FBLN2: variants seen among roughly 807,000 people sequenced by gnomAD.
FBLN2 encodes the protein fibulin 2.
FBLN2 carries 81 observed loss-of-function variants against 123.7 expected under a neutral mutation model. The ratio of observed to expected loss-of-function variants is 0.65; its 90% CI spans 0.55 to 0.79. FBLN2 has a LOEUF of 0.79. Among genes scored for constraint, FBLN2 ranks in the 30% least tolerant of loss-of-function variants. The probability of loss-of-function intolerance (pLI) is 0.00; values close to 1 mark genes in which losing one functional copy is unlikely to be tolerated. For synonymous variants in FBLN2, 699 were observed against 701.4 expected (o/e 1.00, Z 0.05); for missense variants, 1,603 against 1,681.3 (o/e 0.95, Z 0.81).
At chr3:13,613,523 A>G (rs1705471741) in intron 4 of FBLN2, among the ~76,000 whole-genome samples, 1 of 152,206 alleles carries the variant, frequency 6.6e-6, no homozygotes, top group Admixed American at 6.5e-5. Context: ...GTTGGCTGCT[A>G]AAGCTCCAGC....
chr3:13,636,105 A>G (rs904794674), intron 16 of FBLN2, among the ~76,000 whole-genome samples: 3 of 152,336 alleles, frequency 2.0e-5, no homozygotes, highest in Admixed American at 6.5e-5. Flanking sequence ...CAGCCCAAGG[A>G]TGTCCAGCAG....
At chr3:13,603,153 C>T (rs966850683) in intron 2 of FBLN2, among the ~76,000 whole-genome samples, 2 of 151,590 alleles carry the variant, frequency 1.3e-5, no homozygotes, top group African/African-American at 2.4e-5. Flanking sequence ...CCTCGTGATC[C>T]GCATTCCTCA....
chr3:13,577,807 C>T (rs3773290), intron 2 of FBLN2, among the ~76,000 whole-genome samples: 11,967 of 152,274 alleles, frequency 0.079, 1,402 homozygotes, highest in African/African-American at 0.25. Flanking sequence ...GTCTCATTGC[C>T]ACCAGCCCGG....
chr3:13,584,352 C>A lies in FBLN2; in HGVS notation c.1306+12691C>A, dbSNP rs566636224. On this transcript the variant is annotated intron_variant, in intron 2 of 17. Coordinates refer to ENST00000404922, the MANE Select transcript of FBLN2 (RefSeq NM_001004019.2). ...CTGGGTGAGGAGCTGGCTGAGAGCT[C>A]TGCAGGTGCAGAGGATGGGGGCCCA... is the stretch of plus-strand genomic sequence containing the variant. 2.1e-4 allele frequency among the ~76,000 whole-genome samples: 32 copies of A among 152,316 alleles called. 1 individual carries two copies. The South Asian group carries it at 6.0e-3, about 29-fold the overall frequency.
intron 2 of FBLN2, among the ~76,000 whole-genome samples, chr3:13,580,141 G>T (rs1704276541): frequency 6.6e-6 from 1 of 152,186 alleles, no homozygotes; most frequent in Admixed American, 6.5e-5. Context: ...GGGGCATTGG[G>T]GTTGTTTCCA....
chr3:13,579,993 A>G (rs1358685390), intron 2 of FBLN2, among the ~76,000 whole-genome samples: 1 of 152,224 alleles, frequency 6.6e-6, no homozygotes, highest in Non-Finnish European at 1.5e-5. Flanking sequence ...TTCTAATGGC[A>G]GAGGTTAGTT....
intron 5 of FBLN2, among the ~76,000 whole-genome samples, chr3:13,615,196 C>T (rs1211312520): frequency 6.6e-6 from 1 of 152,242 alleles, no homozygotes; most frequent in Non-Finnish European, 1.5e-5. Flanking sequence ...GATGAGGGTG[C>T]CCCAGTGAGT....
At chr3:13,567,697 G>C (rs2125039788) in intron 1 of FBLN2, among the ~76,000 whole-genome samples, 1 of 152,200 alleles carries the variant, frequency 6.6e-6, no homozygotes. Context: ...AGCTGGCACG[G>C]TGGCTCATGC....
chr3:13,588,838 A>G (rs949662323), intron 2 of FBLN2, among the ~76,000 whole-genome samples: 10 of 152,250 alleles, frequency 6.6e-5, no homozygotes, highest in Admixed American at 6.5e-4. Context: ...ATGTAGTTAA[A>G]TATCTCTTAT....
intron 2 of FBLN2, among the ~76,000 whole-genome samples, chr3:13,575,605 A>G (rs1704110452): frequency 6.6e-6 from 1 of 152,282 alleles, no homozygotes; most frequent in South Asian, 2.1e-4. Flanking sequence ...GGCAGAGGGG[A>G]AAACTGGGGC....
At chr3:13,634,734 T>C (rs929988924) in intron 16 of FBLN2, among the ~76,000 whole-genome samples, 1 of 152,166 alleles carries the variant, frequency 6.6e-6, no homozygotes, top group African/African-American at 2.4e-5. Flanking sequence ...GAGAGGTAAA[T>C]AGATGTGAGC....
At chr3:13,631,232 C>T (rs3773255) in intron 15 of FBLN2, 97 bp from the exon 16 acceptor site, 269,439 of 1,451,910 alleles carry the variant, frequency 0.19, 27,229 homozygotes, top group South Asian at 0.2. Context: ...AAAATGGGCC[C>T]CTAAGCTCTA....
At position 13,626,493 on chromosome 3, in the gene FBLN2, A is replaced by G; in HGVS notation, c.2345A>G (p.His782Arg). 6.3e-7 allele frequency: 1 copy of G among 1,575,368 alleles called. No homozygotes were observed. The highest frequency in any genetic ancestry group is 8.6e-7 in the Non-Finnish European group (1 of 1,160,408). ...CTGCACACGTGCAGCCGGGGCGAGC[A>G]CTGTGTGAACACACTGGGCTCCTTC... is the stretch of plus-strand genomic sequence containing the variant. Reference protein sequence around the residue: ...TDLHTCSRGEHCVNTLGSFHC... With the variant: ...TDLHTCSRGERCVNTLGSFHC... Residue 782 changes from histidine (H) to arginine (R), a missense_variant, in exon 10 of 18, where the codon CAC becomes CGC. Coordinates refer to ENST00000404922, the MANE Select transcript of FBLN2 (RefSeq NM_001004019.2).
intron 4 of FBLN2, among the ~76,000 whole-genome samples, chr3:13,610,204 A>G (rs1705345102): frequency 6.6e-6 from 1 of 152,172 alleles, no homozygotes; most frequent in African/African-American, 2.4e-5. Flanking sequence ...CCTGCTTGGC[A>G]TGTCTAGGCT....
chr3:13,621,671 G>T, intron 8 of FBLN2, 104 bp from the exon 9 acceptor site: 2 of 1,295,196 alleles, frequency 1.5e-6, no homozygotes, highest in Non-Finnish European at 2.2e-6. Flanking sequence ...CCCCAGACAG[G>T]CCCCTGCCCC....
At chr3:13,602,078 G>A (rs1212789763) in intron 2 of FBLN2, among the ~76,000 whole-genome samples, 2 of 152,200 alleles carry the variant, frequency 1.3e-5, no homozygotes, top group African/African-American at 4.8e-5. Context: ...ACAGGCTATG[G>A]ATTTTATTTC....
At chr3:13,630,037 A>G in intron 14 of FBLN2, 92 bp downstream of exon 14, 1 of 1,528,852 alleles carries the variant, frequency 6.5e-7, no homozygotes, top group Non-Finnish European at 8.8e-7. Context: ...GTGACCCTTC[A>G]CCCTTACACC....
chr3:13,572,005 C>T (rs1157982233), intron 2 of FBLN2, among the ~76,000 whole-genome samples: 17 of 152,208 alleles, frequency 1.1e-4, no homozygotes, highest in Non-Finnish European at 8.8e-5. Flanking sequence ...TAGGCCCCCA[C>T]GTGTCCTGGC....
At chr3:13,590,781 T>C (rs190525434) in intron 2 of FBLN2, among the ~76,000 whole-genome samples, 1 of 152,378 alleles carries the variant, frequency 6.6e-6, no homozygotes, top group East Asian at 1.9e-4. Flanking sequence ...TTACTCCTTA[T>C]GATTCCATTG....
Sources: gnomAD v4.1 joint callset for allele counts (sites outside exome capture counted in the v4.1 genomes callset) on GRCh38, gnomAD v4.1.1 for gene constraint, MANE v1.5 for transcripts, NCBI Gene and HGNC (gene_info 2026-07-23, HGNC 2026-07-21) for gene names.